Variants in ATXN1 observed in about 807,000 individuals in gnomAD.
ATXN1 encodes the protein ataxin 1.
A neutral mutation model predicts 56.4 loss-of-function variants in ATXN1; 8 were observed. The ratio of observed to expected loss-of-function variants is 0.14; its 90% CI spans 0.08 to 0.26. ATXN1 has a LOEUF of 0.26. Ranked by LOEUF, ATXN1 falls within the 10% of genes least tolerant of loss-of-function variation. The pLI, the probability that ATXN1 is intolerant of heterozygous loss-of-function variation, is 1.00. For synonymous variants in ATXN1, 514 were observed against 494.6 expected (o/e 1.04, Z -0.52); for missense variants, 987 against 1,106.5 (o/e 0.89, Z 1.53).
intron 3 of ATXN1, among the ~76,000 whole-genome samples, chr6:16,601,651 C>T (rs778684195): frequency 3.3e-4 from 50 of 152,082 alleles, no homozygotes; most frequent in Non-Finnish European, 5.9e-4. Context: ...GAGATCGAGA[C>T]CATCCTGGCT....
chr6:16,359,416 C>CAG (rs929227678), intron 6 of ATXN1, among the ~76,000 whole-genome samples: 1 of 152,092 alleles, frequency 6.6e-6, no homozygotes, highest in Non-Finnish European at 1.5e-5. Context: ...ACAAAGGGGG[C>CAG]AGAGAGAGAA....
At chr6:16,310,646 G>A (rs893030756) in intron 7 of ATXN1, among the ~76,000 whole-genome samples, 2 of 152,080 alleles carry the variant, frequency 1.3e-5, no homozygotes, top group African/African-American at 4.8e-5. Flanking sequence ...CCACCACCAC[G>A]CCCAGCTACT....
In ATXN1 at chr6:16,705,053, C is replaced by T. The variant is rs187021276; in HGVS notation, c.-614-47152G>A. Among the ~76,000 whole-genome samples, 3 of 152,298 alleles carry T rather than the reference C, an allele frequency of 2.0e-5. No individual in the cohort carries two copies. The East Asian group carries it at 5.8e-4, about 29-fold the overall frequency. The stretch of plus-strand genomic sequence containing the variant: ...ACCCAGTGATCCTAAAATCCCTACC[C>T]GCTGGAGCATCCTAGAGTCTCTGTG... On this transcript the variant is annotated intron_variant, in intron 2 of 7. Coordinates refer to ENST00000436367, the MANE Select transcript of ATXN1 (RefSeq NM_001128164.2).
intron 7 of ATXN1, among the ~76,000 whole-genome samples, chr6:16,310,578 G>C (rs1455859429): frequency 6.6e-6 from 1 of 152,190 alleles, no homozygotes; most frequent in African/African-American, 2.4e-5. Flanking sequence ...CGCCTCCCGG[G>C]TTCAAGCGAG....
intron 3 of ATXN1, among the ~76,000 whole-genome samples, chr6:16,641,259 G>C (rs971979994): frequency 1.3e-5 from 2 of 152,214 alleles, no homozygotes; most frequent in East Asian, 1.9e-4. Context: ...ATTTTTCAAC[G>C]TAGGCAAAGC....
intron 3 of ATXN1, among the ~76,000 whole-genome samples, chr6:16,620,638 A>C (rs1399992740): frequency 1.3e-5 from 2 of 152,224 alleles, no homozygotes; most frequent in Non-Finnish European, 2.9e-5. Context: ...AAGAAGCTAG[A>C]TGATCTAAGA....
chr6:16,470,593 T>C (rs956764449), intron 6 of ATXN1, among the ~76,000 whole-genome samples: 1 of 152,202 alleles, frequency 6.6e-6, no homozygotes, highest in African/African-American at 2.4e-5. Context: ...ATATGGAAAG[T>C]TATTGGACAG....
intron 4 of ATXN1, among the ~76,000 whole-genome samples, chr6:16,542,927 T>C (rs1342087221): frequency 6.6e-6 from 1 of 151,766 alleles, no homozygotes; most frequent in Non-Finnish European, 1.5e-5. Flanking sequence ...TCTCAAAATA[T>C]CTTATTGCAT....
chr6:16,658,723 T>C (rs1758257630), intron 2 of ATXN1, among the ~76,000 whole-genome samples: 1 of 152,222 alleles, frequency 6.6e-6, no homozygotes, highest in Admixed American at 6.5e-5. Context: ...ACAATGGCCA[T>C]TTGAGAGCCT....
rs34324423 is a variant in ATXN1, at chr6:16,306,746, T to C, written c.2031A>G (p.Ser677=). The C allele has an allele frequency of 5.2e-3, 8,404 of 1,613,982 alleles. 224 individuals carry two copies. In the African/African-American group the frequency reaches 0.071, roughly 14 times the overall value. The change falls in exon 8 of 8, where the codon TCA becomes TCG. Residue 677 remains serine (S), a synonymous_variant. Coordinates refer to ENST00000436367, the MANE Select transcript of ATXN1 (RefSeq NM_001128164.2). This position sits in a 1 kb window ranked among gnomAD's most constrained non-coding sequence, Gnocchi z 5.2. ...QLFDLPCSKL[S]VGDVCISLTL... The stretch of plus-strand genomic sequence containing the variant: ...TAAGCGAGATGCAGACATCCCCAAC[T>C]GAGAGTTTGGAACACGGCAAATCAA...
intron 2 of ATXN1, among the ~76,000 whole-genome samples, chr6:16,692,645 G>A (rs902676068): frequency 1.4e-4 from 20 of 140,426 alleles, no homozygotes; most frequent in African/African-American, 5.0e-4. Context: ...GACCACTACC[G>A]CCACCACCAA....
chr6:16,700,528 AG>A (rs1436703928), intron 2 of ATXN1, among the ~76,000 whole-genome samples: 1 of 152,124 alleles, frequency 6.6e-6, no homozygotes, highest in East Asian at 1.9e-4. Context: ...GCCAAGCAGA[AG>A]TCCTGAGATA....
intron 3 of ATXN1, among the ~76,000 whole-genome samples, chr6:16,603,206 C>A (rs568405025): frequency 5.3e-5 from 8 of 152,310 alleles, no homozygotes; most frequent in African/African-American, 1.9e-4. Flanking sequence ...TCGAGCCAGG[C>A]GTCCGCTAAA....
chr6:16,742,803 CAGA>C (rs1337513365), intron 2 of ATXN1, among the ~76,000 whole-genome samples: 5 of 152,194 alleles, frequency 3.3e-5, no homozygotes, highest in Admixed American at 3.3e-4. Context: ...GCAGGGTTTG[CAGA>C]AGAAGGTTTC....
chr6:16,363,937 A>C (rs1213954781), intron 6 of ATXN1, among the ~76,000 whole-genome samples: 1 of 152,212 alleles, frequency 6.6e-6, no homozygotes, highest in Non-Finnish European at 1.5e-5. Context: ...ATCCCAACCT[A>C]AAATTGCTGA....
chr6:16,543,815 A>G (rs970332423), intron 4 of ATXN1, among the ~76,000 whole-genome samples: 6 of 152,182 alleles, frequency 3.9e-5, no homozygotes, highest in Non-Finnish European at 8.8e-5. Flanking sequence ...GACTTCCCAT[A>G]GGGTCACTAA....
intron 4 of ATXN1, among the ~76,000 whole-genome samples, chr6:16,538,428 T>A (rs1240709926): frequency 1.3e-5 from 2 of 152,198 alleles, no homozygotes; most frequent in African/African-American, 4.8e-5. Flanking sequence ...ATTTTTTTAA[T>A]CTTTTTTTTG....
chr6:16,316,199 G>A (rs943388268), intron 7 of ATXN1, among the ~76,000 whole-genome samples: 1 of 152,178 alleles, frequency 6.6e-6, no homozygotes. Context: ...CACTCCTTAT[G>A]AGAATCTAAC....
At chr6:16,364,903 G>C (rs545953232) in intron 6 of ATXN1, among the ~76,000 whole-genome samples, 106 of 152,272 alleles carry the variant, frequency 7.0e-4, no homozygotes, top group African/African-American at 2.3e-3. Flanking sequence ...AGTCCACAAG[G>C]GGCTAACAGG....
Sources: allele counts gnomAD v4.1 joint callset (sites outside exome capture counted in the v4.1 genomes callset), GRCh38; gene constraint gnomAD v4.1.1; non-coding constraint Gnocchi (gnomAD v3.1); transcripts MANE v1.5; gene names NCBI Gene and HGNC (gene_info 2026-07-23, HGNC 2026-07-21).